Variants in GPR19 observed in about 807,000 individuals in gnomAD.
GPR19 encodes G protein-coupled receptor 19.
A neutral mutation model predicts 28.5 loss-of-function variants in GPR19; 14 were observed. That is an observed-to-expected ratio of 0.49 (90% CI 0.32 to 0.77). The LOEUF (loss-of-function observed/expected upper bound fraction) is 0.77. Ranked by LOEUF, GPR19 falls within the 30% of genes least tolerant of loss-of-function variation. GPR19 has a pLI of 0.03. For missense variants in GPR19, 409 were observed against 504.1 expected (o/e 0.81, Z 1.81); for synonymous variants, 173 against 184.1 (o/e 0.94, Z 0.49).
At chr12:12,681,477 G>T (rs117673906) in intron 3 of GPR19, among the ~76,000 whole-genome samples, 3 of 152,306 alleles carry the variant, frequency 2.0e-5, no homozygotes, top group South Asian at 4.1e-4. Context: ...CTCCCATTTA[G>T]CTGGTTGAGT....
At chr12:12,666,481 TTTAA>T (rs1483083303) in intron 3 of GPR19, among the ~76,000 whole-genome samples, 3 of 152,154 alleles carry the variant, frequency 2.0e-5, no homozygotes, top group Non-Finnish European at 4.4e-5. Flanking sequence ...CTTCAGGGAT[TTTAA>T]TTTAATTGCT....
chr12:12,716,949 G>A, the GPR19 span: 1 of 985,234 alleles, frequency 1.0e-6, no homozygotes, highest in Admixed American at 6.1e-5. Flanking sequence ...CCGGCTCCTA[G>A]CGAGCTGCCG....
chr12:12,706,132 C>T, the GPR19 span, among the ~76,000 whole-genome samples: 1 of 152,208 alleles, frequency 6.6e-6, no homozygotes, highest in Non-Finnish European at 1.5e-5. Flanking sequence ...TTAACTCACA[C>T]CAGTCAGGCT....
At chr12:12,678,010 G>T (rs1367565119) in intron 3 of GPR19, among the ~76,000 whole-genome samples, 2 of 148,136 alleles carry the variant, frequency 1.4e-5, no homozygotes, top group African/African-American at 2.5e-5. Flanking sequence ...GGAGGCGGAG[G>T]TTGCGGTGAG....
chr12:12,687,122 A>G (rs1946109281), intron 2 of GPR19, among the ~76,000 whole-genome samples: 1 of 152,242 alleles, frequency 6.6e-6, no homozygotes, highest in South Asian at 2.1e-4. Flanking sequence ...GAACATGAGT[A>G]ATGTGATCTT....
intron 2 of GPR19, among the ~76,000 whole-genome samples, chr12:12,686,674 C>A (rs1946102027): frequency 1.3e-5 from 2 of 152,120 alleles, no homozygotes; most frequent in South Asian, 4.1e-4. Flanking sequence ...GGATTTGGAA[C>A]CACTGACTCA....
At chr12:12,671,722 A>G (rs904097978) in intron 3 of GPR19, among the ~76,000 whole-genome samples, 5 of 152,188 alleles carry the variant, frequency 3.3e-5, no homozygotes, top group African/African-American at 1.2e-4. Flanking sequence ...GATTTAAGGG[A>G]CTATTACTCT....
chr12:12,705,858 A>G, the GPR19 span, among the ~76,000 whole-genome samples: 4 of 152,146 alleles, frequency 2.6e-5, no homozygotes, highest in African/African-American at 9.7e-5. Context: ...CCAGTATGAT[A>G]ATTTTTTTAT....
intron 2 of GPR19, among the ~76,000 whole-genome samples, chr12:12,685,319 A>G (rs2136332422): frequency 6.9e-6 from 1 of 145,274 alleles, no homozygotes; most frequent in South Asian, 2.2e-4. Flanking sequence ...AGTTTACTGC[A>G]TGCCCAAATA....
chr12:12,664,882 T>C (rs1003130244), intron 3 of GPR19, among the ~76,000 whole-genome samples: 2 of 126,686 alleles, frequency 1.6e-5, no homozygotes, highest in African/African-American at 3.1e-5. Context: ...ATCGCGCCAC[T>C]GCACTCCAGG....
chr12:12,693,091 T>C (rs575818329), intron 2 of GPR19, among the ~76,000 whole-genome samples: 26 of 152,358 alleles, frequency 1.7e-4, no homozygotes, highest in African/African-American at 6.3e-4. Context: ...AGAATTGTCC[T>C]ACTAGCAAGT....
At chr12:12,672,090 G>C (rs1295879126) in intron 3 of GPR19, among the ~76,000 whole-genome samples, 3 of 152,164 alleles carry the variant, frequency 2.0e-5, no homozygotes, top group Non-Finnish European at 4.4e-5. Context: ...TGACAGTTTT[G>C]TGAAGGAATG....
the GPR19 span, among the ~76,000 whole-genome samples, chr12:12,704,469 T>A: frequency 6.6e-6 from 1 of 152,174 alleles, no homozygotes; most frequent in African/African-American, 2.4e-5. Context: ...GCCACTGCAC[T>A]CCAGCCTGGG....
chr12:12,664,036 C>CG (rs578212150), intron 3 of GPR19, among the ~76,000 whole-genome samples: 5 of 152,260 alleles, frequency 3.3e-5, no homozygotes, highest in African/African-American at 1.2e-4. Flanking sequence ...CTCCGTCCCC[C>CG]GGGCTGGTGT....
At chr12:12,699,534 A>G (rs1278659807), upstream of GPR19, among the ~76,000 whole-genome samples, 2 of 152,214 alleles carry the variant, frequency 1.3e-5, no homozygotes, top group African/African-American at 4.8e-5. Context: ...CTATAGTCCC[A>G]GCTACCCAGG....
At chr12:12,683,643 C>T (rs1946054037) in intron 3 of GPR19, among the ~76,000 whole-genome samples, 1 of 152,184 alleles carries the variant, frequency 6.6e-6, no homozygotes, top group Admixed American at 6.5e-5. Context: ...AAAGAACTTT[C>T]TTAAGTATTT....
At chr12:12,717,056 G>A in the GPR19 span, 7 of 1,007,268 alleles carry the variant, frequency 6.9e-6, no homozygotes, top group Non-Finnish European at 8.3e-6. Flanking sequence ...CGCCAACGCA[G>A]CGCCGGGCCC....
intron 2 of GPR19, among the ~76,000 whole-genome samples, chr12:12,685,679 G>T (rs1292484276): frequency 6.6e-6 from 1 of 152,146 alleles, no homozygotes; most frequent in Non-Finnish European, 1.5e-5. Context: ...AAGGAATCTA[G>T]GAATTAGTAT....
upstream of GPR19, among the ~76,000 whole-genome samples, chr12:12,699,353 A>G (rs1946302241): frequency 6.6e-6 from 1 of 152,180 alleles, no homozygotes; most frequent in African/African-American, 2.4e-5. Context: ...AGAAAAAAAA[A>G]TTGAAAACAT....
Sources: allele counts gnomAD v4.1 joint callset (sites outside exome capture counted in the v4.1 genomes callset), GRCh38; gene constraint gnomAD v4.1.1; transcripts MANE v1.5; gene names NCBI Gene and HGNC (gene_info 2026-07-23, HGNC 2026-07-21).